Variants in FAM210A observed in about 807,000 individuals in gnomAD.
FAM210A encodes the protein mitochondrial inner membrane scaffold 1, also known as family with sequence similarity 210 member A.
A neutral mutation model predicts 25.3 loss-of-function variants in FAM210A; 13 were observed. That is an observed-to-expected ratio of 0.51 (90% CI 0.33 to 0.82). The LOEUF (loss-of-function observed/expected upper bound fraction) is 0.82. Ranked by LOEUF, FAM210A falls within the 40% of genes least tolerant of loss-of-function variation. The pLI, the probability that FAM210A is intolerant of heterozygous loss-of-function variation, is 0.02. For synonymous variants in FAM210A, 125 were observed against 118.7 expected (o/e 1.05, Z -0.35); for missense variants, 319 against 323.2 (o/e 0.99, Z 0.10).
intron 2 of FAM210A, among the ~76,000 whole-genome samples, chr18:13,675,304 A>C: frequency 1.1e-5 from 1 of 92,296 alleles, no homozygotes; most frequent in Non-Finnish European, 2.2e-5. Flanking sequence ...CTGAGACCCG[A>C]CTTCATTTCC....
At chr18:13,668,735 C>T (rs540251473) in intron 3 of FAM210A, among the ~76,000 whole-genome samples, 12 of 152,318 alleles carry the variant, frequency 7.9e-5, no homozygotes, top group Non-Finnish European at 1.6e-4. Flanking sequence ...CAAACCTGTA[C>T]AGCACACTAC....
chr18:13,666,590 C>T lies in FAM210A; in HGVS notation c.709G>A (p.Glu237Lys). Residue 237 changes from glutamate (E) to lysine (K), a missense_variant, in exon 4 of 4, where the codon GAA becomes AAA. By Grantham distance (56) the Glu-to-Lys change is moderately conservative. Transcript: ENST00000651643. ...TCTGTGATAAGCTCCTTTGTCTCTT[C>T]CATCCTGTCCTGCAGATACTCCTTG... ...PVKEYLQDRM[E>K]ETKELITEKM... 6.2e-7 allele frequency: 1 copy of T among 1,614,150 alleles called. No homozygotes were observed. The highest frequency in any genetic ancestry group is 8.5e-7 in the Non-Finnish European group (1 of 1,180,034).
At chr18:13,679,833 C>A (rs1332957543) in intron 2 of FAM210A, among the ~76,000 whole-genome samples, 1 of 152,192 alleles carries the variant, frequency 6.6e-6, no homozygotes, top group Non-Finnish European at 1.5e-5. Flanking sequence ...TCACCCACAG[C>A]TGCTTCAGAT....
intron 1 of FAM210A, among the ~76,000 whole-genome samples, chr18:13,706,352 T>TGGG (rs35089359): frequency 0.032 from 4,757 of 146,484 alleles, 268 homozygotes; most frequent in African/African-American, 0.11. Flanking sequence ...GAAATGAAAA[T>TGGG]GGGGGGGGGT....
In FAM210A at chr18:13,681,743, G is replaced by A. The variant is rs1444480827; in HGVS notation, c.335C>T (p.Pro112Leu). The change falls in exon 2 of 4, where the codon CCT becomes CTT. Residue 112 changes from proline (P) to leucine (L), a missense_variant. Physicochemically the swap from Pro to Leu is moderately conservative, Grantham distance 98. Transcript: ENST00000651643. ...AQGTPEKKEE[P>L]DPLQDKSISL... ...AATAGATTTGTCTTGCAAAGGATCA[G>A]GCTCTTCCTTTTTTTCCGGAGTTCC... The A allele has an allele frequency of 6.2e-7, 1 of 1,614,176 alleles. No homozygotes were observed. Among genetic ancestry groups the A allele is most frequent in the South Asian group, 1.1e-5 (1 of 91,082 alleles).
At chr18:13,696,631 A>G (rs959231119) in intron 1 of FAM210A, among the ~76,000 whole-genome samples, 2 of 152,208 alleles carry the variant, frequency 1.3e-5, no homozygotes, top group African/African-American at 2.4e-5. Context: ...TGGAGGTAGA[A>G]GACAGTGATA....
chr18:13,724,519 T>A (rs544757908), intron 1 of FAM210A, among the ~76,000 whole-genome samples: 1 of 152,342 alleles, frequency 6.6e-6, no homozygotes, highest in African/African-American at 2.4e-5. Context: ...ATTATTTTAA[T>A]GTCCAGAAAA....
At chr18:13,698,091 G>A (rs2043709793) in intron 1 of FAM210A, among the ~76,000 whole-genome samples, 2 of 152,026 alleles carry the variant, frequency 1.3e-5, no homozygotes, top group Non-Finnish European at 2.9e-5. Flanking sequence ...GGTGGCTCAC[G>A]CCTGTAATCC....
chr18:13,679,243 C>CA (rs909317610), intron 2 of FAM210A, among the ~76,000 whole-genome samples: 3 of 152,192 alleles, frequency 2.0e-5, no homozygotes, highest in African/African-American at 7.2e-5. Context: ...TTTCCAGCTA[C>CA]AAACTATTTT....
At chr18:13,718,300 G>T (rs956468305) in intron 1 of FAM210A, among the ~76,000 whole-genome samples, 2 of 152,102 alleles carry the variant, frequency 1.3e-5, no homozygotes, top group Admixed American at 1.3e-4. Context: ...CAAAGTCTTT[G>T]TTACAGGGAC....
intron 1 of FAM210A, among the ~76,000 whole-genome samples, chr18:13,685,597 T>C (rs1158369448): frequency 6.6e-6 from 1 of 152,208 alleles, no homozygotes; most frequent in Non-Finnish European, 1.5e-5. Flanking sequence ...GAAAATCTTT[T>C]AATCCAGTTA....
chr18:13,702,251 C>G (rs2043746708), intron 1 of FAM210A, among the ~76,000 whole-genome samples: 1 of 152,214 alleles, frequency 6.6e-6, no homozygotes, highest in Non-Finnish European at 1.5e-5. Context: ...GTAAAAATCA[C>G]TATCTCTTGT....
chr18:13,714,598 A>G (rs1478434442), intron 1 of FAM210A, among the ~76,000 whole-genome samples: 1 of 152,144 alleles, frequency 6.6e-6, no homozygotes, highest in East Asian at 1.9e-4. Flanking sequence ...TTTACTTTAT[A>G]GAGAAATCTG....
rs565487973 is a variant in FAM210A at position 13,692,224 on chromosome 18, A to C, written c.-28-10119T>G. On this transcript the variant is annotated intron_variant, in intron 1 of 3. Transcript: ENST00000651643. ...ACTCTCCTAAATATATATGCACCCA[A>C]TACAGGAGCACTCAGATTCATAAAG... Among the ~76,000 whole-genome samples the C allele has an allele frequency of 1.9e-3, 296 of 152,238 alleles. 1 individual carries two copies. Among genetic ancestry groups the C allele is most frequent in the African/African-American group, 6.9e-3 (286 of 41,532 alleles).
rs1432685047 is a variant in FAM210A at position 13,719,209 on chromosome 18, A to G, written c.-29+7120T>C. The stretch of plus-strand genomic sequence containing the variant: ...CTAATTCCTCTAATTTTAAGAAATG[A>G]GTCAAATTACAATGCAGCTTAACTA... On this transcript the variant is annotated intron_variant, in intron 1 of 3. Transcript: ENST00000651643. Among the ~76,000 whole-genome samples, 3 of 130,552 alleles carry G rather than the reference A, an allele frequency of 2.3e-5. No individual in the cohort carries two copies. In the Admixed American group the frequency reaches 2.4e-4, roughly 10 times the overall value. 85.6% of individuals were successfully genotyped at this position (130,552 alleles called of 152,430 possible). A position where few individuals can be genotyped will look rare whatever the true frequency, so the allele number is the denominator to read the frequency against.
chr18:13,699,769 T>C (rs956032215), intron 1 of FAM210A, among the ~76,000 whole-genome samples: 1 of 152,244 alleles, frequency 6.6e-6, no homozygotes, highest in Non-Finnish European at 1.5e-5. Context: ...ATAAATGAGC[T>C]GGTTAAGTGT....
intron 1 of FAM210A, among the ~76,000 whole-genome samples, chr18:13,694,370 A>AAAGT (rs555406602): frequency 3.2e-4 from 48 of 152,244 alleles, no homozygotes; most frequent in Non-Finnish European, 5.9e-4. Context: ...AAACTACTTT[A>AAAGT]AAGTTCATAT....
intron 2 of FAM210A, among the ~76,000 whole-genome samples, chr18:13,677,160 C>T (rs568267126): frequency 6.6e-6 from 1 of 151,946 alleles, no homozygotes; most frequent in African/African-American, 2.4e-5. Flanking sequence ...CTGCAAGTTC[C>T]ACCTCCCGAG....
At chr18:13,687,509 C>T (rs1431761319) in intron 1 of FAM210A, among the ~76,000 whole-genome samples, 1 of 152,100 alleles carries the variant, frequency 6.6e-6, no homozygotes, top group Admixed American at 6.5e-5. Context: ...CATTAAGAGA[C>T]AAAATGGCAG....
Sources: gnomAD v4.1 joint callset for allele counts (sites outside exome capture counted in the v4.1 genomes callset) on GRCh38, gnomAD v4.1.1 for gene constraint, MANE v1.5 for transcripts, NCBI Gene and HGNC (gene_info 2026-07-23, HGNC 2026-07-21) for gene names.